ACVR2A: variants seen among roughly 807,000 people sequenced by gnomAD.
The protein encoded by ACVR2A is activin receptor type-2A.
Under a neutral mutation model 61.4 loss-of-function variants are expected in ACVR2A, and 7 were observed. That is an observed-to-expected ratio of 0.11 (90% CI 0.06 to 0.21). The LOEUF is 0.21. ACVR2A is among the 10% of genes least tolerant of loss of function. The pLI, the probability that ACVR2A is intolerant of heterozygous loss-of-function variation, is 1.00. For synonymous variants in ACVR2A, 193 were observed against 208.3 expected, an observed-to-expected ratio of 0.93 and a Z score of 0.63; for missense variants, 322 against 621.7, an observed-to-expected ratio of 0.52 and a Z score of 5.13.
chr2:147,850,963 C>G (rs534609466), intron 1 of ACVR2A, among the ~76,000 whole-genome samples: 7 of 152,050 alleles, frequency 4.6e-5, no homozygotes, highest in Non-Finnish European at 7.4e-5. Flanking sequence ...AGAATGTGGT[C>G]GTAGAGGTTG....
At chr2:147,847,352 A>G (rs1685336521) in intron 1 of ACVR2A, among the ~76,000 whole-genome samples, 1 of 152,164 alleles carries the variant, frequency 6.6e-6, no homozygotes, top group South Asian at 2.1e-4. Flanking sequence ...GTTATGGATC[A>G]GATGCACTCT....
rs117689246 is a variant in ACVR2A at position 147,853,277 on chromosome 2, A to G, written c.55+8070A>G. On this transcript the variant is annotated intron_variant, in intron 1 of 10. Coordinates refer to ENST00000241416, the MANE Select transcript of ACVR2A (RefSeq NM_001616.5). ...GTAATATTCTCTTAAAGAGGCAGAC[A>G]CTGTATGATGGATATGTCTTCATTG... Among the ~76,000 whole-genome samples, 8 of 152,264 alleles carry G rather than the reference A, an allele frequency of 5.3e-5. No homozygotes were observed. The East Asian group carries it at 1.3e-3, about 26-fold the overall frequency.
At chr2:147,898,216 T>G (rs1686788636) in intron 2 of ACVR2A, 1 of 152,074 alleles carries the variant, frequency 6.6e-6, no homozygotes, top group African/African-American at 2.4e-5. Flanking sequence ...GTTTTTATAC[T>G]CTAAATTTGA....
At chr2:147,919,433 A>G (rs895299230) in intron 7 of ACVR2A, among the ~76,000 whole-genome samples, 4 of 152,118 alleles carry the variant, frequency 2.6e-5, no homozygotes, top group African/African-American at 9.7e-5. Context: ...AGGACCCCCA[A>G]AGTTATTAAG....
At chr2:147,878,982 A>G (rs1346478954) in intron 1 of ACVR2A, among the ~76,000 whole-genome samples, 1 of 152,156 alleles carries the variant, frequency 6.6e-6, no homozygotes, top group African/African-American at 2.4e-5. Context: ...TGATTATTTT[A>G]ATTTGTTAAG....
At chr2:147,889,758 A>T (rs530568637) in intron 1 of ACVR2A, among the ~76,000 whole-genome samples, 2 of 152,150 alleles carry the variant, frequency 1.3e-5, no homozygotes, top group South Asian at 4.1e-4. Context: ...AAAAAAAAGA[A>T]GTAGACTTTT....
At chr2:147,884,459 G>T (rs1206819673) in intron 1 of ACVR2A, among the ~76,000 whole-genome samples, 1 of 152,116 alleles carries the variant, frequency 6.6e-6, no homozygotes, top group East Asian at 1.9e-4. Flanking sequence ...AGGTATTTTT[G>T]AAGATGCCTA....
chr2:147,912,889 T>C (rs1687152286), intron 4 of ACVR2A, among the ~76,000 whole-genome samples: 1 of 151,896 alleles, frequency 6.6e-6, no homozygotes, highest in Non-Finnish European at 1.5e-5. Flanking sequence ...ACCAGTATTC[T>C]TTCTAATTGA....
chr2:147,913,756 C>T (rs748452766), intron 4 of ACVR2A, among the ~76,000 whole-genome samples: 10 of 147,398 alleles, frequency 6.8e-5, no homozygotes, highest in Middle Eastern at 3.6e-3. Context: ...CTCCTTGACC[C>T]GTCACTCTGC....
At chr2:147,891,008 G>A (rs1354932221) in intron 1 of ACVR2A, among the ~76,000 whole-genome samples, 1 of 152,038 alleles carries the variant, frequency 6.6e-6, no homozygotes, top group Non-Finnish European at 1.5e-5. Context: ...AAAAATGGTG[G>A]AAATATCTTT....
At chr2:147,860,050 G>A (rs1288556624) in intron 1 of ACVR2A, among the ~76,000 whole-genome samples, 1 of 152,142 alleles carries the variant, frequency 6.6e-6, no homozygotes, top group Non-Finnish European at 1.5e-5. Context: ...ATAGGACAGG[G>A]CCACTGAAAG....
At chr2:147,874,022 ATGAT>A (rs1163154419) in intron 1 of ACVR2A, among the ~76,000 whole-genome samples, 3 of 152,042 alleles carry the variant, frequency 2.0e-5, no homozygotes, top group Admixed American at 2.0e-4. Flanking sequence ...TCTGAGGTAA[ATGAT>A]TGATTTTTGT....
chr2:147,871,508 C>T lies in ACVR2A; in HGVS notation c.56-24793C>T, dbSNP rs1686017019. On this transcript the variant is annotated intron_variant, in intron 1 of 10. Transcript: ENST00000241416. ...TCTAGCCTAGATGTCTCTGCATTTACGTAGGTATGTATAAAATTATAAGTA... is the reference window on the plus strand; with the variant it reads ...TCTAGCCTAGATGTCTCTGCATTTATGTAGGTATGTATAAAATTATAAGTA... Among the ~76,000 whole-genome samples, 13 of 151,966 alleles carry T rather than the reference C, an allele frequency of 8.6e-5. No homozygotes were observed. The South Asian group carries it at 2.3e-3, about 27-fold the overall frequency.
In ACVR2A at chr2:147,929,773, T is replaced by C. The variant is rs111284072; in HGVS notation, c.*2499T>C. 7.3e-3 allele frequency: 1,113 copies of C among 152,420 alleles called. 16 individuals carry two copies. The highest frequency in any genetic ancestry group is 0.025 in the African/African-American group (1,042 of 41,494). The allele number at this position is 152,420 out of a possible 1,614,324, so 9.4% of individuals were successfully genotyped here. On this transcript the variant is annotated 3_prime_UTR_variant, in exon 11 of 11. Coordinates refer to ENST00000241416, the MANE Select transcript of ACVR2A (RefSeq NM_001616.5). ...AGAATGAGAAAAATGGTGATCCATTTTGGGGCAAACTGAGACCCCCCAAAT... is the reference window on the plus strand; with the variant it reads ...AGAATGAGAAAAATGGTGATCCATTCTGGGGCAAACTGAGACCCCCCAAAT...
chr2:147,887,199 G>A (rs1162063825), intron 1 of ACVR2A, among the ~76,000 whole-genome samples: 1 of 149,568 alleles, frequency 6.7e-6, no homozygotes, highest in Non-Finnish European at 1.5e-5. Context: ...GCTATAGAGC[G>A]AGATCTTGTC....
chr2:147,896,518 C>G lies in ACVR2A; in HGVS notation c.263+10C>G, dbSNP rs200990081. ...TCAACTGCTATGACAGGTAAGAACA[C>G]ATTTAAGATTTTATGGTAGTATTGA... is the stretch of plus-strand genomic sequence containing the variant. On this transcript the variant is annotated intron_variant, in intron 2 of 10. Transcript: ENST00000241416. The G allele has an allele frequency of 1.9e-6, 3 of 1,612,590 alleles. No homozygotes were observed. The highest frequency in any genetic ancestry group is 2.5e-6 in the Non-Finnish European group (3 of 1,178,914).
intron 1 of ACVR2A, among the ~76,000 whole-genome samples, chr2:147,868,863 G>T (rs563036051): frequency 6.6e-6 from 1 of 151,960 alleles, no homozygotes; most frequent in Non-Finnish European, 1.5e-5. Flanking sequence ...CACCTCCAGG[G>T]CTCAAGCAGT....
chr2:147,888,721 G>A (rs1172155318), intron 1 of ACVR2A, among the ~76,000 whole-genome samples: 4 of 146,366 alleles, frequency 2.7e-5, no homozygotes, highest in African/African-American at 7.6e-5. Flanking sequence ...GAATTCCTCC[G>A]TATACCAGCA....
chr2:147,893,769 T>G (rs1230108711), intron 1 of ACVR2A, among the ~76,000 whole-genome samples: 1 of 152,214 alleles, frequency 6.6e-6, no homozygotes, highest in Non-Finnish European at 1.5e-5. Flanking sequence ...TTATATTTTC[T>G]GAGCATCAGT....
Sources: gnomAD v4.1 joint callset for allele counts (sites outside exome capture counted in the v4.1 genomes callset) on GRCh38, gnomAD v4.1.1 for gene constraint, MANE v1.5 for transcripts, NCBI Gene and HGNC (gene_info 2026-07-23, HGNC 2026-07-21) for gene names.